GPR176: variants seen among roughly 807,000 people sequenced by gnomAD.
GPR176 encodes G protein-coupled receptor 176, also known as G-protein coupled receptor 176.
A neutral mutation model predicts 35.4 loss-of-function variants in GPR176; 26 were observed. The ratio of observed to expected loss-of-function variants is 0.74; its 90% CI spans 0.54 to 1.02. The LOEUF (loss-of-function observed/expected upper bound fraction) is 1.02. Among genes scored for constraint, GPR176 ranks in the 50% least tolerant of loss-of-function variants. GPR176 has a pLI of 0.00. For synonymous variants in GPR176, 278 were observed against 271.3 expected (o/e 1.02, Z -0.24); for missense variants, 597 against 665.3 (o/e 0.90, Z 1.13).
chr15:39,816,496 C>T (rs1899915032), intron 1 of GPR176, among the ~76,000 whole-genome samples: 1 of 151,956 alleles, frequency 6.6e-6, no homozygotes, highest in Non-Finnish European at 1.5e-5. Flanking sequence ...AATAGAATGC[C>T]AATATGAATT....
intron 1 of GPR176, among the ~76,000 whole-genome samples, chr15:39,847,545 G>A (rs141558388): frequency 0.011 from 1,630 of 151,802 alleles, 19 homozygotes; most frequent in Non-Finnish European, 0.015. Flanking sequence ...GGAGTTCAAG[G>A]CCAGCCTGGC....
intron 1 of GPR176, among the ~76,000 whole-genome samples, chr15:39,864,254 T>C (rs1481566336): frequency 6.6e-6 from 1 of 152,182 alleles, no homozygotes; most frequent in African/African-American, 2.4e-5. Context: ...CTATTCTTTT[T>C]TTAAGGTTGA....
intron 1 of GPR176, among the ~76,000 whole-genome samples, chr15:39,835,266 G>A (rs943500725): frequency 3.3e-5 from 5 of 151,836 alleles, no homozygotes; most frequent in Admixed American, 6.6e-5. Flanking sequence ...ATGATCCACC[G>A]GCTCGGCCTC....
intron 1 of GPR176, among the ~76,000 whole-genome samples, chr15:39,829,596 A>AAAACACTTATGTTATG (rs1900925848): frequency 2.1e-4 from 2 of 9,556 alleles, no homozygotes; most frequent in African/African-American, 3.6e-4. Context: ...TCTCTGTTAT[A>AAAACACTTATGTTATG]AACACTTATG....
Position 39,799,356 on chromosome 15 carries a change from T to C in GPR176, c.*1776A>G, listed in dbSNP as rs1403853204. On this transcript the variant is annotated 3_prime_UTR_variant, in exon 3 of 3. Transcript: ENST00000561100. Reference sequence around the variant, plus strand: ...TCAGGGCAAGGAGCTATAGATGCCATGCACGCAGGGCCCAGAAGGCAGCAG... The same window carrying C: ...TCAGGGCAAGGAGCTATAGATGCCACGCACGCAGGGCCCAGAAGGCAGCAG... 2 of 152,292 alleles carry C rather than the reference T, an allele frequency of 1.3e-5. No individual in the cohort carries two copies. Among genetic ancestry groups the C allele is most frequent in the Admixed American group, 6.5e-5 (1 of 15,284 alleles). The allele number at this position is 152,292 out of a possible 1,614,324, so 9.4% of individuals were successfully genotyped here.
At chr15:39,880,929 C>A (rs975805823) in intron 1 of GPR176, among the ~76,000 whole-genome samples, 3 of 152,170 alleles carry the variant, frequency 2.0e-5, no homozygotes, top group Non-Finnish European at 4.4e-5. Flanking sequence ...CTTCACCCAG[C>A]CCACAGAATT....
chr15:39,836,587 T>C (rs150375519), intron 1 of GPR176, among the ~76,000 whole-genome samples: 48 of 152,262 alleles, frequency 3.2e-4, no homozygotes, highest in Middle Eastern at 3.4e-3. Context: ...GCAACATAAA[T>C]GGACCAACAC....
chr15:39,867,692 A>C (rs2031885572), intron 1 of GPR176, among the ~76,000 whole-genome samples: 1 of 152,152 alleles, frequency 6.6e-6, no homozygotes, highest in Non-Finnish European at 1.5e-5. Flanking sequence ...ACGTGAGTAA[A>C]CAGCGGAGAA....
At chr15:39,807,315 A>G (rs932525729) in intron 1 of GPR176, 57 bp from the exon 2 acceptor site, 17 of 1,164,158 alleles carry the variant, frequency 1.5e-5, no homozygotes, top group African/African-American at 3.1e-5. Flanking sequence ...GAACTAAAAA[A>G]AGGAAAAAAG....
At chr15:39,841,052 C>T (rs1327743207) in intron 1 of GPR176, among the ~76,000 whole-genome samples, 1 of 152,144 alleles carries the variant, frequency 6.6e-6, no homozygotes, top group African/African-American at 2.4e-5. Flanking sequence ...CTCTGCTGCC[C>T]TGGGTCCTCA....
chr15:39,807,250 T>C lies in GPR176; in HGVS notation c.181A>G (p.Met61Val). The C allele has an allele frequency of 6.5e-7, 1 of 1,549,186 alleles. No individual in the cohort carries two copies. Among genetic ancestry groups the C allele is most frequent in the South Asian group, 1.2e-5 (1 of 80,390 alleles). The change falls in exon 2 of 3, where the codon ATG becomes GTG. Residue 61 changes from methionine (M) to valine (V), a missense_variant. By Grantham distance (21) the Met-to-Val change is conservative. This residue lies in a region of GPR176 where 126 missense variants were observed against 112.4 expected (regional missense o/e 1.12). Coordinates refer to ENST00000561100, the MANE Select transcript of GPR176 (RefSeq NM_007223.3). ...IFIGSLLGNF[M>V]VLWSTCRTTV... ...GTGCGGCAAGTTGACCATAACACCATGAAGTTTCCTGGTCAGATATGAAAG... is the reference window on the plus strand; with the variant it reads ...GTGCGGCAAGTTGACCATAACACCACGAAGTTTCCTGGTCAGATATGAAAG...
chr15:39,871,770 G>T (rs918877328), intron 1 of GPR176, among the ~76,000 whole-genome samples: 12 of 152,164 alleles, frequency 7.9e-5, no homozygotes, highest in Non-Finnish European at 1.5e-4. Flanking sequence ...CTGATGGAGT[G>T]ATACCTTTCT....
chr15:39,892,621 G>C (rs555723739), intron 1 of GPR176, among the ~76,000 whole-genome samples: 58 of 152,348 alleles, frequency 3.8e-4, no homozygotes, highest in Non-Finnish European at 6.8e-4. Flanking sequence ...TATAAGAAGA[G>C]AGAACACACA....
At chr15:39,831,914 C>A (rs536898506) in intron 1 of GPR176, among the ~76,000 whole-genome samples, 1 of 151,988 alleles carries the variant, frequency 6.6e-6, no homozygotes, top group African/African-American at 2.4e-5. Context: ...ATCCCAAATC[C>A]CTGGTGCATG....
At chr15:39,833,714 G>T (rs1322777989) in intron 1 of GPR176, among the ~76,000 whole-genome samples, 2 of 152,172 alleles carry the variant, frequency 1.3e-5, no homozygotes, top group African/African-American at 4.8e-5. Flanking sequence ...CATTACTGAA[G>T]ATATGAGCAC....
At chr15:39,904,374 G>T (rs918094756) in intron 1 of GPR176, among the ~76,000 whole-genome samples, 1 of 152,170 alleles carries the variant, frequency 6.6e-6, no homozygotes, top group Non-Finnish European at 1.5e-5. Context: ...AAGGCATCAA[G>T]ATATAATAGA....
intron 1 of GPR176, among the ~76,000 whole-genome samples, chr15:39,909,618 A>G (rs182056399): frequency 1.3e-5 from 2 of 152,354 alleles, no homozygotes; most frequent in Admixed American, 1.3e-4. Flanking sequence ...ACAAAGACAT[A>G]CATTTAAAAA....
At chr15:39,857,756 C>A (rs1213954442) in intron 1 of GPR176, among the ~76,000 whole-genome samples, 1 of 151,890 alleles carries the variant, frequency 6.6e-6, no homozygotes, top group East Asian at 1.9e-4. Context: ...ATCACAAGGT[C>A]AGGAGATCAA....
chr15:39,801,347 A>T lies in GPR176; in HGVS notation c.1333T>A (p.Phe445Ile). 6.2e-7 allele frequency: 1 copy of T among 1,614,138 alleles called. No homozygotes were observed. Among genetic ancestry groups the T allele is most frequent in the Middle Eastern group, 1.6e-4 (1 of 6,062 alleles). ...AACTGCAGGGAATACTTATCAGGGA[A>T]TGTTTCAGGTTCCACAGGGGCTGCC... ...APAAPVEPET[F>I]PDKYSLQFGF... Residue 445 changes from phenylalanine to isoleucine, a missense_variant, in exon 3 of 3, where the codon TTC becomes ATC. Around this residue, in one of 3 missense-constraint regions of GPR176, gnomAD observed 251 missense variants for 255.4 expected, o/e 0.98. Transcript: ENST00000561100.
Sources: allele counts gnomAD v4.1 joint callset (sites outside exome capture counted in the v4.1 genomes callset), GRCh38; gene constraint gnomAD v4.1.1; regional missense constraint gnomAD v4.1.1; transcripts MANE v1.5; gene names NCBI Gene and HGNC (gene_info 2026-07-23, HGNC 2026-07-21).